Variants in NUP188 observed in about 807,000 individuals in gnomAD.
The protein encoded by NUP188 is nucleoporin 188.
NUP188 carries 97 observed loss-of-function variants against 223.0 expected under a neutral mutation model. The observed-to-expected ratio is 0.43, with a 90% confidence interval of 0.37 to 0.51. The LOEUF (loss-of-function observed/expected upper bound fraction) is 0.51, where lower values mean the gene tolerates loss of function less well. NUP188 is among the 20% of genes least tolerant of loss of function. The pLI, the probability that NUP188 is intolerant of heterozygous loss-of-function variation, is 0.00. For missense variants in NUP188, 1,947 were observed against 2,175.6 expected, an observed-to-expected ratio of 0.89 and a Z score of 2.09; for synonymous variants, 869 against 828.0, an observed-to-expected ratio of 1.05 and a Z score of -0.85.
In NUP188 at chr9:128,999,742, G is replaced by C; in HGVS notation, c.3780G>C (p.Glu1260Asp). 6.2e-7 allele frequency: 1 copy of C among 1,614,232 alleles called. No homozygotes were observed. The change falls in exon 34 of 44, where the codon GAG (glutamate) becomes GAC (aspartate). Residue 1260 changes from glutamate to aspartate, a missense_variant. Glu to Asp is a conservative substitution (Grantham distance 45). This residue lies in a region of NUP188 where 905 missense variants were observed against 990.6 expected (regional missense o/e 0.91). Transcript: ENST00000372577. ...RHSLALGSAT[E>D]DKDSMETDDC... ...GTCTGGCATTAGGCAGTGCCACAGAGGACAAGGACAGCATGGAGACTGACG... is the reference window on the plus strand; with the variant it reads ...GTCTGGCATTAGGCAGTGCCACAGACGACAAGGACAGCATGGAGACTGACG...
chr9:128,990,087 T>A, intron 24 of NUP188, 33 bp from the exon 25 acceptor site: 1 of 1,507,306 alleles, frequency 6.6e-7, no homozygotes, highest in East Asian at 2.3e-5. Flanking sequence ...TTAGGCACAC[T>A]TGATATCTAA....
intron 36 of NUP188, 135 bp from the exon 37 acceptor site, chr9:129,002,682 G>C (rs1468681013): frequency 2.3e-6 from 2 of 885,166 alleles, no homozygotes; most frequent in Admixed American, 2.9e-5. Context: ...TCTGGCCCTG[G>C]TGGCCAGACA....
In NUP188 at chr9:128,968,033, G is replaced by A. The variant is rs546208073; in HGVS notation, c.586-473G>A. On this transcript the variant is annotated intron_variant, in intron 8 of 43. Coordinates refer to ENST00000372577, the MANE Select transcript of NUP188 (RefSeq NM_015354.3). ...TCCCAGTGCTTTGGCCTCCCAGGAG[G>A]ATCGATTGAGGCTAGGAATTCAAAA... 3.4e-4 allele frequency among the ~76,000 whole-genome samples: 52 copies of A among 152,298 alleles called. 2 individuals are homozygous for A. In the South Asian group the frequency reaches 9.7e-3, roughly 29 times the overall value.
At chr9:128,949,732 G>A (rs1172152220) in intron 2 of NUP188, among the ~76,000 whole-genome samples, 2 of 151,890 alleles carry the variant, frequency 1.3e-5, no homozygotes, top group Non-Finnish European at 2.9e-5. Context: ...GAGTTCAAGC[G>A]ATTTTCCTGC....
intron 8 of NUP188, among the ~76,000 whole-genome samples, chr9:128,966,891 C>G (rs2131151769): frequency 6.6e-6 from 1 of 152,200 alleles, no homozygotes; most frequent in South Asian, 2.1e-4. Flanking sequence ...TCAATGATGG[C>G]ATTTATGTGC....
intron 17 of NUP188, 44 bp from the exon 18 acceptor site, chr9:128,983,249 G>A: frequency 6.5e-7 from 1 of 1,541,432 alleles, no homozygotes; most frequent in African/African-American, 1.4e-5. Flanking sequence ...GGAACCAGTT[G>A]TATTATTTGC....
chr9:128,977,181 G>A (rs1212969270), intron 12 of NUP188, among the ~76,000 whole-genome samples: 1 of 148,818 alleles, frequency 6.7e-6, no homozygotes, highest in Admixed American at 6.8e-5. Context: ...GTGCAGTGGC[G>A]CGATCTCGGC....
chr9:128,951,768 A>C (rs1174705509), intron 2 of NUP188, among the ~76,000 whole-genome samples: 1 of 151,862 alleles, frequency 6.6e-6, no homozygotes, highest in Non-Finnish European at 1.5e-5. Flanking sequence ...AATGTGTAAT[A>C]CTTAGTGTGA....
chr9:128,947,738 G>C lies in NUP188; in HGVS notation c.19G>C (p.Gly7Arg). MAAAAG[G>R]PCVRSSRELW... The stretch of plus-strand genomic sequence containing the variant: ...CGCGAAGATGGCGGCGGCCGCCGGC[G>C]GGCCGTGTGTGAGGTGCGGAGCGGG... The change falls in exon 1 of 44, where the codon GGG (glycine) becomes CGG (arginine). Residue 7 changes from glycine (G) to arginine (R), a missense_variant. Around this residue, in one of 3 missense-constraint regions of NUP188, gnomAD observed 817 missense variants for 865.8 expected, o/e 0.94. Transcript: ENST00000372577. The C allele has an allele frequency of 1.4e-6, 2 of 1,474,310 alleles. No individual in the cohort carries two copies. Among genetic ancestry groups the C allele is most frequent in the African/African-American group, 1.4e-5 (1 of 69,474 alleles). 91.3% of individuals were successfully genotyped at this position (1,474,310 alleles called of 1,614,324 possible).
At chr9:128,962,855 T>A (rs1467717450) in intron 8 of NUP188, among the ~76,000 whole-genome samples, 2 of 152,204 alleles carry the variant, frequency 1.3e-5, no homozygotes, top group African/African-American at 4.8e-5. Flanking sequence ...GTTTTTTGTT[T>A]AATTATGATT....
chr9:128,986,793 C>G lies in NUP188; in HGVS notation c.2198-16C>G, dbSNP rs769481790. ...TCACAAGGCCACATCATTCCTCTGTCTTTTCTGGAGTCCAGGTTGCCTGAT... is the reference window on the plus strand; with the variant it reads ...TCACAAGGCCACATCATTCCTCTGTGTTTTCTGGAGTCCAGGTTGCCTGAT... On this transcript the variant is annotated splice_polypyrimidine_tract_variant and intron_variant, in intron 21 of 43. Transcript: ENST00000372577. 4 of 1,613,934 alleles carry G rather than the reference C, an allele frequency of 2.5e-6. No homozygotes were observed. The South Asian group carries it at 4.4e-5, about 18-fold the overall frequency.
At chr9:128,992,516 G>A (rs918261239) in intron 25 of NUP188, among the ~76,000 whole-genome samples, 1 of 152,186 alleles carries the variant, frequency 6.6e-6, no homozygotes, top group Non-Finnish European at 1.5e-5. Flanking sequence ...TTTATGACTG[G>A]CTTCCTTTAC....
chr9:128,965,740 A>G (rs1842017896), intron 8 of NUP188, among the ~76,000 whole-genome samples: 1 of 151,162 alleles, frequency 6.6e-6, no homozygotes, highest in Non-Finnish European at 1.5e-5. Context: ...GACGTGAGCC[A>G]CCACGTCTGG....
In NUP188 at chr9:128,956,447, T is replaced by C. The variant is rs746131263; in HGVS notation, c.246+13T>C. 2.1e-6 allele frequency: 3 copies of C among 1,431,924 alleles called. No individual in the cohort carries two copies. The highest frequency in any genetic ancestry group is 3.9e-5 in the Admixed American group (2 of 50,694). 88.7% of individuals were successfully genotyped at this position (1,431,924 alleles called of 1,614,324 possible). A position where few individuals can be genotyped will look rare whatever the true frequency, so the allele number is the denominator to read the frequency against. ...CAGCAAGTTTTTGGTGAGTAAAAATTAGCACTCGCTCAATTTATTACTTGC... is the reference window on the plus strand; with the variant it reads ...CAGCAAGTTTTTGGTGAGTAAAAATCAGCACTCGCTCAATTTATTACTTGC... On this transcript the variant is annotated intron_variant, in intron 4 of 43. Transcript: ENST00000372577.
intron 30 of NUP188, among the ~76,000 whole-genome samples, 197 bp from the exon 31 acceptor site, chr9:128,997,954 C>T (rs1335938986): frequency 6.6e-6 from 1 of 151,964 alleles, no homozygotes; most frequent in Non-Finnish European, 1.5e-5. Context: ...CTCCTGACCT[C>T]GTGATCCGCC....
intron 2 of NUP188, 129 bp downstream of exon 2, chr9:128,949,372 TC>T: frequency 1.5e-6 from 1 of 653,108 alleles, no homozygotes; most frequent in African/African-American, 1.9e-5. Context: ...CGCTCTTGTT[TC>T]CCAGGCTGGA....
At position 128,980,666 on chromosome 9, in the gene NUP188, C is replaced by T. The variant is rs1842241571; in HGVS notation, c.1330C>T (p.Leu444Phe). 2 of 1,614,006 alleles carry T rather than the reference C, an allele frequency of 1.2e-6. No homozygotes were observed. The change falls in exon 14 of 44, where the codon CTC becomes TTC. Residue 444 changes from leucine to phenylalanine, a missense_variant. Coordinates refer to ENST00000372577, the MANE Select transcript of NUP188 (RefSeq NM_015354.3). ...DSVCGMFPHLLSPLLQLLRAL... is the reference protein window; with the variant it reads ...DSVCGMFPHLFSPLLQLLRAL... ...TGTGTGTGGAATGTTTCCCCACCTTCTCTCCCCACTCCTGCAACTGCTCCG... is the reference window on the plus strand; with the variant it reads ...TGTGTGTGGAATGTTTCCCCACCTTTTCTCCCCACTCCTGCAACTGCTCCG...
chr9:128,998,353 G>C, intron 31 of NUP188, 125 bp downstream of exon 31: 1 of 1,043,738 alleles, frequency 9.6e-7, no homozygotes, highest in Non-Finnish European at 1.5e-6. Flanking sequence ...CGTTGGCCTG[G>C]GAGGCCTGAG....
At chr9:128,955,581 G>A (rs1841857217) in intron 3 of NUP188, among the ~76,000 whole-genome samples, 1 of 151,886 alleles carries the variant, frequency 6.6e-6, no homozygotes, top group African/African-American at 2.4e-5. Flanking sequence ...TGGCTATTGG[G>A]CATTCTTTTA....
Sources: gnomAD v4.1 joint callset for allele counts (sites outside exome capture counted in the v4.1 genomes callset) on GRCh38, gnomAD v4.1.1 for gene constraint, gnomAD v4.1.1 regional missense constraint, MANE v1.5 for transcripts, NCBI Gene and HGNC (gene_info 2026-07-23, HGNC 2026-07-21) for gene names.